The following TRPC7 variants were observed in gnomAD, a reference collection of about 807,000 sequenced individuals.
TRPC7 encodes the protein short transient receptor potential channel 7.
In TRPC7, 42 loss-of-function variants were observed where a neutral mutation model predicts 90.1. The ratio of observed to expected loss-of-function variants is 0.47; its 90% confidence interval spans 0.36 to 0.60. The LOEUF is 0.60. Among genes scored for constraint, TRPC7 ranks in the 20% least tolerant of loss-of-function variants. The pLI is 0.00. For synonymous variants in TRPC7, 451 were observed against 436.3 expected, an observed-to-expected ratio of 1.03 and a Z score of -0.42; for missense variants, 955 against 1,112.3, an observed-to-expected ratio of 0.86 and a Z score of 2.01.
At chr5:136,260,330 C>T (rs1426667485) in intron 5 of TRPC7, among the ~76,000 whole-genome samples, 1 of 151,948 alleles carries the variant, frequency 6.6e-6, no homozygotes, top group Non-Finnish European at 1.5e-5. Context: ...TGCAGAGAAA[C>T]AAAAAAGAGG....
At chr5:136,230,189 G>T (rs1354518568) in intron 8 of TRPC7, among the ~76,000 whole-genome samples, 1 of 152,148 alleles carries the variant, frequency 6.6e-6, no homozygotes, top group East Asian at 1.9e-4. Flanking sequence ...TCTATTCCCA[G>T]AATTGGAATT....
intron 3 of TRPC7, among the ~76,000 whole-genome samples, chr5:136,303,535 C>T (rs941154390): frequency 6.6e-6 from 1 of 152,152 alleles, no homozygotes; most frequent in African/African-American, 2.4e-5. Flanking sequence ...AATGCCTGAA[C>T]TGCAGTGGCC....
At chr5:136,338,189 G>A (rs1759727635) in intron 2 of TRPC7, among the ~76,000 whole-genome samples, 1 of 152,114 alleles carries the variant, frequency 6.6e-6, no homozygotes, top group Admixed American at 6.5e-5. Context: ...CACACTTTAG[G>A]TATGGGAGAT....
At chr5:136,224,651 C>T (rs1755569776) in intron 10 of TRPC7, among the ~76,000 whole-genome samples, 1 of 152,198 alleles carries the variant, frequency 6.6e-6, no homozygotes, top group African/African-American at 2.4e-5. Context: ...TTACTCTTGT[C>T]CCCACCTGTC....
chr5:136,247,670 C>G lies in TRPC7; in HGVS notation c.1645G>C (p.Val549Leu). The G allele has an allele frequency of 6.2e-7, 1 of 1,613,964 alleles. No individual in the cohort carries two copies. The highest frequency in any genetic ancestry group is 8.5e-7 in the Non-Finnish European group (1 of 1,179,880). The change falls in exon 7 of 12, where the codon GTG (valine) becomes CTG (leucine). Residue 549 changes from valine (V) to leucine (L), a missense_variant. By Grantham distance (32) the Val-to-Leu change is conservative (BLOSUM62 1). Around this residue, in one of 4 missense-constraint regions of TRPC7, gnomAD observed 296 missense variants for 422.7 expected, o/e 0.70. Transcript: ENST00000513104. The surrounding 1 kb of genome is among the most constrained non-coding windows in gnomAD (Gnocchi z 4.2). ...ISEGLYAIAV[V>L]LSFSRIAYIL... is the part of the protein sequence containing the mutation. ...TATGCAATGCGAGAGAAGCTCAGCA[C>G]GACGGCTATCGCGTAGAGCCCTTCC...
At chr5:136,221,925 T>C (rs1398407214) in intron 10 of TRPC7, among the ~76,000 whole-genome samples, 1 of 152,164 alleles carries the variant, frequency 6.6e-6, no homozygotes, top group East Asian at 1.9e-4. Context: ...TGAAGAAATA[T>C]GCCTCTCAGA....
intron 10 of TRPC7, among the ~76,000 whole-genome samples, chr5:136,224,299 G>T (rs541391452): frequency 1.3e-5 from 2 of 152,150 alleles, no homozygotes; most frequent in African/African-American, 4.8e-5. Flanking sequence ...TATCACTGGC[G>T]CATGGGCTGA....
chr5:136,293,909 A>G (rs1758059409), intron 3 of TRPC7, among the ~76,000 whole-genome samples: 2 of 152,364 alleles, frequency 1.3e-5, no homozygotes, highest in South Asian at 4.1e-4. Context: ...GCCTACAGTA[A>G]CCAAAACAGC....
intron 3 of TRPC7, among the ~76,000 whole-genome samples, chr5:136,285,682 G>T (rs914063115): frequency 6.6e-6 from 1 of 152,216 alleles, no homozygotes. Context: ...CCAGTGGCCT[G>T]AGGATGACTC....
At chr5:136,326,494 T>C (rs7709249) in intron 2 of TRPC7, among the ~76,000 whole-genome samples, 15,511 of 152,114 alleles carry the variant, frequency 0.1, 843 homozygotes, top group Non-Finnish European at 0.13. Context: ...AAATTATCAG[T>C]TGAAAGTAAG....
Position 136,237,831 on chromosome 5 carries a change from T to C in TRPC7, c.1845-6282A>G, listed in dbSNP as rs112833856. 2.8e-3 allele frequency among the ~76,000 whole-genome samples: 431 copies of C among 152,328 alleles called. 1 individual carries two copies. The highest frequency in any genetic ancestry group is 4.3e-3 in the Non-Finnish European group (291 of 68,028). Reference sequence around the variant, plus strand: ...GCATCAACTGCAATAGGCTCCAATATCTGGCTGAAAGACTATGGAGCCCTG... The same window carrying C: ...GCATCAACTGCAATAGGCTCCAATACCTGGCTGAAAGACTATGGAGCCCTG... On this transcript the variant is annotated intron_variant, in intron 7 of 11. Coordinates refer to ENST00000513104, the MANE Select transcript of TRPC7 (RefSeq NM_020389.3).
intron 2 of TRPC7, among the ~76,000 whole-genome samples, chr5:136,354,292 ACTTT>A (rs1337268796): frequency 6.6e-6 from 1 of 152,202 alleles, no homozygotes; most frequent in Non-Finnish European, 1.5e-5. Context: ...ATTCCTTAAG[ACTTT>A]CTTTCAGTAA....
At chr5:136,332,849 A>T (rs992173636) in intron 2 of TRPC7, among the ~76,000 whole-genome samples, 3 of 152,216 alleles carry the variant, frequency 2.0e-5, no homozygotes, top group African/African-American at 7.2e-5. Flanking sequence ...GGGTTTGGTC[A>T]TAGGACTTGC....
At chr5:136,244,176 T>TCTTC (rs747847740) in intron 7 of TRPC7, among the ~76,000 whole-genome samples, 7 of 151,416 alleles carry the variant, frequency 4.6e-5, no homozygotes, top group African/African-American at 1.2e-4. Context: ...TCCCTCTCTT[T>TCTTC]CTTCCTTCCT....
chr5:136,235,934 T>C (rs1755965435), intron 7 of TRPC7, among the ~76,000 whole-genome samples: 1 of 152,160 alleles, frequency 6.6e-6, no homozygotes, highest in African/African-American at 2.4e-5. Context: ...AGCAACACCT[T>C]GTAGTGGCTA....
intron 1 of TRPC7, among the ~76,000 whole-genome samples, chr5:136,359,565 G>C (rs1336399168): frequency 6.6e-6 from 1 of 152,156 alleles, no homozygotes; most frequent in Admixed American, 6.5e-5. Context: ...TCTGCTCAAT[G>C]GTACCAAAGG....
chr5:136,346,910 C>A (rs369036219), intron 2 of TRPC7, among the ~76,000 whole-genome samples: 1 of 152,130 alleles, frequency 6.6e-6, no homozygotes, highest in South Asian at 2.1e-4. Flanking sequence ...TATTTGCTGG[C>A]GTAACTAGTT....
At chr5:136,236,514 A>G (rs1054590839) in intron 7 of TRPC7, among the ~76,000 whole-genome samples, 1 of 152,226 alleles carries the variant, frequency 6.6e-6, no homozygotes, top group Non-Finnish European at 1.5e-5. Flanking sequence ...CCACCCCAGC[A>G]TAAGAAGCAC....
At chr5:136,246,124 G>A (rs541780588) in intron 7 of TRPC7, among the ~76,000 whole-genome samples, 22 of 152,308 alleles carry the variant, frequency 1.4e-4, no homozygotes, top group African/African-American at 4.8e-4. Flanking sequence ...GTGTTACTCT[G>A]CCTGCTTTCT....
Sources: allele counts gnomAD v4.1 joint callset (sites outside exome capture counted in the v4.1 genomes callset), GRCh38; gene constraint gnomAD v4.1.1; regional missense constraint gnomAD v4.1.1; non-coding constraint Gnocchi (gnomAD v3.1); transcripts MANE v1.5; gene names NCBI Gene and HGNC (gene_info 2026-07-23, HGNC 2026-07-21).